The following CPLANE1 variants were observed in gnomAD, a reference collection of about 807,000 sequenced individuals.
CPLANE1 encodes the protein ciliogenesis and planar polarity effector complex subunit 1.
CPLANE1 carries 263 observed loss-of-function variants against 362.5 expected under a neutral mutation model. The observed-to-expected ratio is 0.73, with a 90% confidence interval of 0.66 to 0.80. CPLANE1 has a LOEUF of 0.80. Ranked by LOEUF, CPLANE1 falls within the 30% of genes least tolerant of loss-of-function variation. The pLI is 0.00. For synonymous variants in CPLANE1, 1,212 were observed against 1,302.6 expected, an observed-to-expected ratio of 0.93 and a Z score of 1.50; for missense variants, 3,461 against 3,793.4, an observed-to-expected ratio of 0.91 and a Z score of 2.30.
At chr5:37,102,169 CTGT>C (rs1361793139), downstream of CPLANE1, among the ~76,000 whole-genome samples, 1 of 151,452 alleles carries the variant, frequency 6.6e-6, no homozygotes, top group Non-Finnish European at 1.5e-5. Flanking sequence ...TAGTTTTTTG[CTGT>C]TGTTGTTTGT....
chr5:37,205,176 TA>T, intron 18 of CPLANE1, 138 bp downstream of exon 18: 1 of 586,640 alleles, frequency 1.7e-6, no homozygotes. Context: ...TAAAATAAAA[TA>T]AAAATAAATA....
At chr5:37,147,422 G>A (rs1462059123) in intron 43 of CPLANE1, among the ~76,000 whole-genome samples, 2 of 152,076 alleles carry the variant, frequency 1.3e-5, no homozygotes, top group Non-Finnish European at 2.9e-5. Context: ...ATCATAATGC[G>A]AACTACAAAC....
intron 51 of CPLANE1, among the ~76,000 whole-genome samples, chr5:37,109,119 G>A (rs1579748861): frequency 6.6e-6 from 1 of 152,114 alleles, no homozygotes; most frequent in Non-Finnish European, 1.5e-5. Context: ...TACCCTTCGA[G>A]GTGATTTCAT....
At chr5:37,190,719 A>G (rs1188352814) in intron 21 of CPLANE1, among the ~76,000 whole-genome samples, 1 of 152,206 alleles carries the variant, frequency 6.6e-6, no homozygotes, top group African/African-American at 2.4e-5. Flanking sequence ...CAGACTGCAT[A>G]TACTATGGTG....
intron 24 of CPLANE1, 140 bp from the exon 25 acceptor site, chr5:37,185,219 G>T: frequency 1.5e-6 from 1 of 671,150 alleles, no homozygotes. Flanking sequence ...TACTGGTCGT[G>T]TTTTCTTCAG....
chr5:37,225,645 A>G (rs1796300456), intron 12 of CPLANE1, among the ~76,000 whole-genome samples: 1 of 152,088 alleles, frequency 6.6e-6, no homozygotes, highest in Non-Finnish European at 1.5e-5. Flanking sequence ...TGAGGTCAGG[A>G]GTTCTAGATC....
Position 37,247,684 on chromosome 5 carries a change from T to G in CPLANE1, c.15A>C (p.Leu5Phe). 1.3e-6 allele frequency: 2 copies of G among 1,548,736 alleles called. No homozygotes were observed. Among genetic ancestry groups the G allele is most frequent in the Non-Finnish European group, 1.7e-6 (2 of 1,144,400 alleles). MEIR[L>F]EILTSTGIKQ... ...TAATACCTGTTGATGTCAAGATTTC[T>G]AATCTTATCTCCATGTTTGTTAAGC... The change falls in exon 2 of 53, where the codon TTA (leucine) becomes TTC (phenylalanine). Residue 5 changes from leucine to phenylalanine, a missense_variant. This residue lies in a region of CPLANE1 where 3,380 missense variants were observed against 3,666.1 expected (regional missense o/e 0.92). Transcript: ENST00000651892.
At chr5:37,204,568 T>C (rs541383599) in intron 18 of CPLANE1, among the ~76,000 whole-genome samples, 73 of 152,246 alleles carry the variant, frequency 4.8e-4, no homozygotes, top group African/African-American at 1.7e-3. Context: ...CACTCCTAAG[T>C]ACCCTTCCAG....
intron 19 of CPLANE1, 122 bp downstream of exon 19, chr5:37,201,469 G>T: frequency 1.4e-6 from 1 of 718,734 alleles, no homozygotes; most frequent in Non-Finnish European, 2.3e-6. Context: ...GCAAAGCTGG[G>T]ATCTATACGT....
intron 16 of CPLANE1, among the ~76,000 whole-genome samples, chr5:37,213,075 G>A (rs759107198): frequency 1.1e-4 from 17 of 152,202 alleles, no homozygotes; most frequent in Non-Finnish European, 2.4e-4. Flanking sequence ...AGGTGTGGTG[G>A]CATATGCCGA....
intron 4 of CPLANE1, among the ~76,000 whole-genome samples, 158 bp from the exon 5 acceptor site, chr5:37,244,765 G>T (rs547377851): frequency 4.1e-4 from 63 of 151,932 alleles, no homozygotes; most frequent in Non-Finnish European, 7.9e-4. Flanking sequence ...ATCCAGGCAC[G>T]GCAGCTCATG....
rs1774303139 is a variant in CPLANE1 at position 37,154,005 on chromosome 5, T to C, written c.8120-12A>G. On this transcript the variant is annotated splice_polypyrimidine_tract_variant and intron_variant, in intron 41 of 52. Coordinates refer to ENST00000651892, the MANE Select transcript of CPLANE1 (RefSeq NM_001384732.1). ...TGGTTTTGGCAGACCTAAATATTAA[T>C]AAGAATAAAAGCAGAATTGATTATA... is the stretch of plus-strand genomic sequence containing the variant. 1 of 1,590,262 alleles carries C rather than the reference T, an allele frequency of 6.3e-7. No individual in the cohort carries two copies. Among genetic ancestry groups the C allele is most frequent in the Non-Finnish European group, 8.6e-7 (1 of 1,166,646 alleles).
intron 32 of CPLANE1, among the ~76,000 whole-genome samples, chr5:37,172,626 G>A (rs887863941): frequency 6.6e-6 from 1 of 152,176 alleles, no homozygotes; most frequent in South Asian, 2.1e-4. Flanking sequence ...ATTAGTTTCA[G>A]TAAGTTTCAT....
At chr5:37,160,654 A>G (rs2150771937) in intron 38 of CPLANE1, among the ~76,000 whole-genome samples, 1 of 151,800 alleles carries the variant, frequency 6.6e-6, no homozygotes, top group Admixed American at 6.6e-5. Flanking sequence ...AGAAAGAAAT[A>G]CAAATTAAAA....
At chr5:37,195,042 C>A (rs1222399363) in intron 21 of CPLANE1, among the ~76,000 whole-genome samples, 2 of 151,472 alleles carry the variant, frequency 1.3e-5, no homozygotes, top group African/African-American at 2.4e-5. Context: ...GTAGTCCCAG[C>A]TACTTGGGAG....
Position 37,107,652 on chromosome 5 carries a change from C to T in CPLANE1, c.9706G>A (p.Ala3236Thr), listed in dbSNP as rs772662201. The change falls in exon 53 of 53, where the codon GCC (alanine) becomes ACC (threonine). Residue 3236 changes from alanine to threonine, a missense_variant. By Grantham distance (58) the Ala-to-Thr change is moderately conservative (BLOSUM62 0). Around this residue, in one of 2 missense-constraint regions of CPLANE1, gnomAD observed 81 missense variants for 127.3 expected, o/e 0.64. Coordinates refer to ENST00000651892, the MANE Select transcript of CPLANE1 (RefSeq NM_001384732.1). ...LDWNAIEDMVASVEDQGLSVH... is the reference protein window; with the variant it reads ...LDWNAIEDMVTSVEDQGLSVH... ...GACAGGCCCTGGTCCTCCACGCTGG[C>T]CACCATGTCTTCGATGGCATTCCAG... 5.0e-6 allele frequency: 8 copies of T among 1,611,200 alleles called. No homozygotes were observed. The highest frequency in any genetic ancestry group is 1.7e-6 in the Non-Finnish European group (2 of 1,179,248).
intron 30 of CPLANE1, among the ~76,000 whole-genome samples, chr5:37,176,991 C>G (rs1000373454): frequency 3.9e-5 from 6 of 152,136 alleles, no homozygotes; most frequent in African/African-American, 1.2e-4. Context: ...ATCTCTTGAC[C>G]TCATGATCCA....
chr5:37,121,229 G>C (rs1455940297), intron 49 of CPLANE1, among the ~76,000 whole-genome samples: 1 of 152,212 alleles, frequency 6.6e-6, no homozygotes, highest in African/African-American at 2.4e-5. Flanking sequence ...AGAAAGGGAA[G>C]TGGTAAGCAG....
At chr5:37,104,453 A>T, downstream of CPLANE1, among the ~76,000 whole-genome samples, 1 of 151,676 alleles carries the variant, frequency 6.6e-6, no homozygotes. Flanking sequence ...ACAGAAAAGT[A>T]GCCGGGCATG....
Sources: gnomAD v4.1 joint callset for allele counts (sites outside exome capture counted in the v4.1 genomes callset) on GRCh38, gnomAD v4.1.1 for gene constraint, gnomAD v4.1.1 regional missense constraint, MANE v1.5 for transcripts, NCBI Gene and HGNC (gene_info 2026-07-23, HGNC 2026-07-21) for gene names.